Variants in GCC2 observed in about 807,000 individuals in gnomAD.
The protein encoded by GCC2 is GRIP and coiled-coil domain-containing protein 2.
A neutral mutation model predicts 210.6 loss-of-function variants in GCC2; 120 were observed. The ratio of observed to expected loss-of-function variants is 0.57; its 90% CI spans 0.49 to 0.66. The LOEUF is 0.66. Among genes scored for constraint, GCC2 ranks in the 30% least tolerant of loss-of-function variants. The pLI is 0.00. For synonymous variants in GCC2, 703 were observed against 652.7 expected (o/e 1.08, Z -1.17); for missense variants, 1,868 against 1,871.9 (o/e 1.00, Z 0.04).
In GCC2 at chr2:108,468,974, A is replaced by G; in HGVS notation, c.217-6A>G. On this transcript the variant is annotated splice_region_variant and splice_polypyrimidine_tract_variant and intron_variant, in intron 4 of 22. Coordinates refer to ENST00000309863, the MANE Select transcript of GCC2 (RefSeq NM_181453.4). The stretch of plus-strand genomic sequence containing the variant: ...CCCCAGGCAAATAAATCTTGTTCTA[A>G]AATAGGCATTAACTGAACGTCTGGA... 1 of 1,585,090 alleles carries G rather than the reference A, an allele frequency of 6.3e-7. No homozygotes were observed.
chr2:108,501,593 C>T (rs1350363192), intron 22 of GCC2, among the ~76,000 whole-genome samples: 1 of 151,882 alleles, frequency 6.6e-6, no homozygotes, highest in African/African-American at 2.4e-5. Context: ...AACATGTTCC[C>T]CATCCCCTGT....
intron 21 of GCC2, among the ~76,000 whole-genome samples, chr2:108,498,873 C>A (rs1386437875): frequency 6.6e-6 from 1 of 151,378 alleles, no homozygotes; most frequent in African/African-American, 2.4e-5. Context: ...ATGTTCCCCT[C>A]AGCCCATTTT....
intron 18 of GCC2, among the ~76,000 whole-genome samples, chr2:108,491,746 AT>A (rs1459871116): frequency 2.0e-5 from 3 of 151,522 alleles, no homozygotes; most frequent in Admixed American, 2.0e-4. Flanking sequence ...AATTCTGTGG[AT>A]CCCCTGTATA....
At chr2:108,472,433 C>T (rs535085718) in intron 6 of GCC2, among the ~76,000 whole-genome samples, 4 of 152,142 alleles carry the variant, frequency 2.6e-5, no homozygotes, top group African/African-American at 9.6e-5. Context: ...GTTTCATTCT[C>T]GTGTGATATG....
At chr2:108,466,785 C>CT (rs907536542) in intron 4 of GCC2, among the ~76,000 whole-genome samples, 29 of 152,212 alleles carry the variant, frequency 1.9e-4, no homozygotes, top group African/African-American at 6.7e-4. Context: ...CTTATGGTTT[C>CT]TTGAGTTTAA....
chr2:108,451,314 G>A (rs929156795), intron 3 of GCC2, among the ~76,000 whole-genome samples: 10 of 152,128 alleles, frequency 6.6e-5, no homozygotes, highest in African/African-American at 1.2e-4. Flanking sequence ...AAACCACAGT[G>A]ACTTTTGAGT....
intron 1 of GCC2, 41 bp from the exon 2 acceptor site, chr2:108,449,590 GAA>G (rs1275840880): frequency 6.3e-6 from 10 of 1,585,282 alleles, no homozygotes; most frequent in Admixed American, 3.3e-5. Context: ...GTGGAATTAG[GAA>G]AAGAGTTCTT....
intron 7 of GCC2, 34 bp from the exon 8 acceptor site, chr2:108,475,501 G>T (rs1330665993): frequency 1.0e-6 from 1 of 1,002,628 alleles, no homozygotes; most frequent in Non-Finnish European, 1.4e-6. Context: ...TTCCTTTTGA[G>T]TTCGTATGTA....
intron 13 of GCC2, among the ~76,000 whole-genome samples, chr2:108,485,240 G>A (rs1215100510): frequency 4.6e-5 from 7 of 150,760 alleles, no homozygotes; most frequent in South Asian, 4.2e-4. Flanking sequence ...GTTAGTGGGC[G>A]CAGCACACCA....
intron 4 of GCC2, among the ~76,000 whole-genome samples, chr2:108,468,038 A>G (rs1041823637): frequency 8.6e-5 from 13 of 150,756 alleles, no homozygotes; most frequent in African/African-American, 3.2e-4. Context: ...TATTATTGAC[A>G]AATAGTTATT....
chr2:108,507,816 G>A lies in GCC2; in HGVS notation c.*186G>A, dbSNP rs551059280. 159 of 500,722 alleles carry A rather than the reference G, an allele frequency of 3.2e-4. No homozygotes were observed. Among genetic ancestry groups the A allele is most frequent in the African/African-American group, 1.9e-3 (95 of 50,810 alleles). 31.0% of individuals were successfully genotyped at this position (500,722 alleles called of 1,614,324 possible). On this transcript the variant is annotated 3_prime_UTR_variant, in exon 23 of 23. Transcript: ENST00000309863. ...AAGTAAAAGTACAACAGCTTGAAGT[G>A]TTGATAGCAGGCCACAGCCCTCTAA...
intron 1 of GCC2, 88 bp from the exon 2 acceptor site, chr2:108,449,545 A>G: frequency 7.3e-7 from 1 of 1,375,830 alleles, no homozygotes; most frequent in South Asian, 1.2e-5. Flanking sequence ...GATTCCATAG[A>G]AGGTTTTTCC....
At chr2:108,489,156 T>G (rs969205871) in intron 17 of GCC2, among the ~76,000 whole-genome samples, 1 of 152,216 alleles carries the variant, frequency 6.6e-6, no homozygotes. Context: ...AGACCTGCTC[T>G]TCTTCAGGGA....
At chr2:108,478,169 C>A (rs116791744) in intron 9 of GCC2, among the ~76,000 whole-genome samples, 2,949 of 151,684 alleles carry the variant, frequency 0.019, 39 homozygotes, top group Non-Finnish European at 0.031. Context: ...ATGAAGAAGC[C>A]CATATATAAA....
chr2:108,488,930 A>C (rs1280572906), intron 17 of GCC2, among the ~76,000 whole-genome samples: 1 of 152,240 alleles, frequency 6.6e-6, no homozygotes, highest in Non-Finnish European at 1.5e-5. Flanking sequence ...ATACTGATAC[A>C]TTTCAAAAAT....
chr2:108,449,500 C>G, intron 1 of GCC2, 133 bp from the exon 2 acceptor site: 1 of 1,209,464 alleles, frequency 8.3e-7, no homozygotes, highest in Non-Finnish European at 1.2e-6. Context: ...CTCCGTCCGC[C>G]CTCATTCTCT....
chr2:108,458,374 C>CTT (rs70956257), intron 4 of GCC2, among the ~76,000 whole-genome samples: 14,173 of 100,240 alleles, frequency 0.14, 1,049 homozygotes, highest in South Asian at 0.2. Context: ...TTGTTGCTTT[C>CTT]TTTTTTTTTT....
intron 9 of GCC2, among the ~76,000 whole-genome samples, chr2:108,476,289 A>G (rs886717829): frequency 1.4e-4 from 21 of 151,774 alleles, no homozygotes; most frequent in African/African-American, 4.8e-4. Context: ...TGAACTCCTG[A>G]CCTCGTGATC....
At chr2:108,488,698 TAA>T (rs1682264410) in intron 17 of GCC2, among the ~76,000 whole-genome samples, 1 of 152,116 alleles carries the variant, frequency 6.6e-6, no homozygotes, top group South Asian at 2.1e-4. Context: ...GTACTGGGAG[TAA>T]GAGAGAGAGA....
Sources: allele counts gnomAD v4.1 joint callset (sites outside exome capture counted in the v4.1 genomes callset), GRCh38; gene constraint gnomAD v4.1.1; transcripts MANE v1.5; gene names NCBI Gene and HGNC (gene_info 2026-07-23, HGNC 2026-07-21).